FER1L6: variants seen among roughly 807,000 people sequenced by gnomAD.
FER1L6 encodes fer-1-like protein 6.
Under a neutral mutation model 219.2 loss-of-function variants are expected in FER1L6, and 177 were observed. The ratio of observed to expected loss-of-function variants is 0.81; its 90% CI spans 0.71 to 0.91. FER1L6 has a LOEUF of 0.91. Among genes scored for constraint, FER1L6 ranks in the 40% least tolerant of loss-of-function variants. The probability of loss-of-function intolerance (pLI) is 0.00; values close to 1 mark genes in which losing one functional copy is unlikely to be tolerated. For missense variants in FER1L6, 2,153 were observed against 2,259.9 expected (o/e 0.95, Z 0.96); for synonymous variants, 768 against 824.3 (o/e 0.93, Z 1.17).
intron 1 of FER1L6, among the ~76,000 whole-genome samples, chr8:123,857,426 C>T (rs1394244407): frequency 6.6e-6 from 1 of 152,140 alleles, no homozygotes; most frequent in Non-Finnish European, 1.5e-5. Flanking sequence ...AGAGGGATCA[C>T]CAGAGCCCAG....
chr8:124,012,005 A>G (rs992966666), intron 14 of FER1L6, among the ~76,000 whole-genome samples: 24 of 152,126 alleles, frequency 1.6e-4, no homozygotes, highest in Admixed American at 1.6e-3. Flanking sequence ...TTCCCACCTA[A>G]GCCCAAGGAG....
chr8:124,078,708 G>GAACCCTCT (rs879730647), intron 32 of FER1L6, among the ~76,000 whole-genome samples: 68 of 151,984 alleles, frequency 4.5e-4, no homozygotes, highest in African/African-American at 1.6e-3. Context: ...GGCATCCCAG[G>GAACCCTCT]TGGGATGGGA....
chr8:123,967,096 A>AAG (rs1554622858), intron 5 of FER1L6, among the ~76,000 whole-genome samples: 43 of 152,134 alleles, frequency 2.8e-4, no homozygotes, highest in Admixed American at 4.6e-4. Context: ...AAAAAAAAAA[A>AAG]AAAAATTACT....
chr8:124,113,783 G>C (rs79176378), intron 39 of FER1L6, among the ~76,000 whole-genome samples: 197 of 152,320 alleles, frequency 1.3e-3, no homozygotes, highest in African/African-American at 4.5e-3. Flanking sequence ...CCCGTGAAGT[G>C]TAAGTTAGAT....
chr8:123,940,187 T>C (rs1814178009), intron 1 of FER1L6, among the ~76,000 whole-genome samples: 1 of 152,124 alleles, frequency 6.6e-6, no homozygotes, highest in African/African-American at 2.4e-5. Flanking sequence ...GGGATAACAA[T>C]TGTAGACACT....
At chr8:123,899,386 T>C (rs1812819309) in intron 1 of FER1L6, among the ~76,000 whole-genome samples, 1 of 152,130 alleles carries the variant, frequency 6.6e-6, no homozygotes, top group Non-Finnish European at 1.5e-5. Context: ...TTTGATTGCA[T>C]TGGTTGTAGA....
At chr8:123,975,748 A>G in intron 8 of FER1L6, 150 bp from the exon 9 acceptor site, 2 of 652,252 alleles carry the variant, frequency 3.1e-6, no homozygotes, top group Non-Finnish European at 5.1e-6. Flanking sequence ...CATTTACACT[A>G]TAAAGAAAAC....
At chr8:124,028,330 GAT>G in intron 18 of FER1L6, among the ~76,000 whole-genome samples, 1 of 152,290 alleles carries the variant, frequency 6.6e-6, no homozygotes, top group East Asian at 1.9e-4. Flanking sequence ...ATCTTGATAA[GAT>G]GATTCAGCGA....
chr8:123,906,045 C>T (rs1803246497), intron 1 of FER1L6, among the ~76,000 whole-genome samples: 1 of 152,166 alleles, frequency 6.6e-6, no homozygotes, highest in African/African-American at 2.4e-5. Flanking sequence ...TAAGGTTATG[C>T]ATTGCTGTCA....
At chr8:123,876,528 G>C (rs766330588) in intron 1 of FER1L6, among the ~76,000 whole-genome samples, 1 of 151,988 alleles carries the variant, frequency 6.6e-6, no homozygotes. Flanking sequence ...GTCTCACTAC[G>C]TTGCTCAGGT....
At chr8:123,948,005 G>T (rs1814581539) in intron 1 of FER1L6, among the ~76,000 whole-genome samples, 1 of 152,232 alleles carries the variant, frequency 6.6e-6, no homozygotes, top group South Asian at 2.1e-4. Context: ...CATGGTTTGA[G>T]GATCAGGTGC....
intron 22 of FER1L6, among the ~76,000 whole-genome samples, chr8:124,056,463 T>A (rs956777605): frequency 6.6e-6 from 1 of 152,260 alleles, no homozygotes; most frequent in African/African-American, 2.4e-5. Flanking sequence ...TCATTTGTTT[T>A]TAATCTTCTT....
chr8:123,868,757 G>A (rs987935868), intron 1 of FER1L6, among the ~76,000 whole-genome samples: 1 of 152,104 alleles, frequency 6.6e-6, no homozygotes, highest in Non-Finnish European at 1.5e-5. Flanking sequence ...TTAACTTCAG[G>A]ACATCAAGGT....
chr8:124,071,298 C>A (rs1167960268), intron 30 of FER1L6, among the ~76,000 whole-genome samples: 1 of 152,182 alleles, frequency 6.6e-6, no homozygotes, highest in Non-Finnish European at 1.5e-5. Flanking sequence ...TGTTAATGTA[C>A]AATGCCAATT....
intron 12 of FER1L6, among the ~76,000 whole-genome samples, chr8:123,987,910 G>GTT (rs1816671861): frequency 6.6e-6 from 1 of 152,092 alleles, no homozygotes; most frequent in Non-Finnish European, 1.5e-5. Flanking sequence ...AGGAGTTCGA[G>GTT]ACCATGGTGA....
intron 15 of FER1L6, 48 bp downstream of exon 15, chr8:124,013,579 T>C (rs748387366): frequency 5.2e-6 from 7 of 1,347,888 alleles, no homozygotes; most frequent in Non-Finnish European, 7.1e-6. Flanking sequence ...TTCTGTGGTC[T>C]CAGCTTTTAA....
At chr8:124,097,072 G>GATATATATATATATATATATATATAT (rs565301549) in intron 35 of FER1L6, among the ~76,000 whole-genome samples, 199 bp from the exon 36 acceptor site, 2 of 146,784 alleles carry the variant, frequency 1.4e-5, no homozygotes, top group African/African-American at 5.1e-5. Context: ...AATTCCTAAA[G>GATATATATATATATATATATATATAT]ATATATATAT....
intron 1 of FER1L6, among the ~76,000 whole-genome samples, chr8:123,910,886 A>G (rs1481039090): frequency 2.0e-5 from 3 of 152,194 alleles, no homozygotes; most frequent in East Asian, 3.9e-4. Flanking sequence ...CATGAAATTG[A>G]TGGTCAGGTG....
At chr8:124,009,888 C>T (rs1314126982) in intron 13 of FER1L6, among the ~76,000 whole-genome samples, 8 of 144,224 alleles carry the variant, frequency 5.5e-5, no homozygotes, top group East Asian at 2.4e-4. Flanking sequence ...GTTCGAAGGT[C>T]AGGTAGCTGG....
Sources: gnomAD v4.1 joint callset for allele counts (sites outside exome capture counted in the v4.1 genomes callset) on GRCh38, gnomAD v4.1.1 for gene constraint, MANE v1.5 for transcripts, NCBI Gene and HGNC (gene_info 2026-07-23, HGNC 2026-07-21) for gene names.